DLG2: variants seen among roughly 807,000 people sequenced by gnomAD.
The protein encoded by DLG2 is disks large homolog 2.
In DLG2, 45 loss-of-function variants were observed where a neutral mutation model predicts 132.5. The observed-to-expected ratio is 0.34, with a 90% confidence interval of 0.27 to 0.44. The LOEUF is 0.44. DLG2 is among the 20% of genes least tolerant of loss of function. DLG2 has a pLI of 1.00. For missense variants in DLG2, 1,045 were observed against 1,196.9 expected, an observed-to-expected ratio of 0.87 and a Z score of 1.87; for synonymous variants, 424 against 419.6, an observed-to-expected ratio of 1.01 and a Z score of -0.13.
chr11:84,689,667 A>G (rs565207793), intron 6 of DLG2, among the ~76,000 whole-genome samples: 75 of 152,242 alleles, frequency 4.9e-4, no homozygotes, highest in African/African-American at 1.8e-3. Context: ...TTCTCCAGGT[A>G]CAATCAGTTA....
chr11:84,303,642 T>C (rs914184976), intron 7 of DLG2, among the ~76,000 whole-genome samples: 1 of 152,204 alleles, frequency 6.6e-6, no homozygotes, highest in Admixed American at 6.5e-5. Flanking sequence ...ATCACTGAAA[T>C]AGTATGACCC....
intron 6 of DLG2, among the ~76,000 whole-genome samples, chr11:85,070,254 T>A (rs2065632784): frequency 6.6e-6 from 1 of 151,778 alleles, no homozygotes. Context: ...TATACATATG[T>A]AACAAACCTG....
intron 15 of DLG2, among the ~76,000 whole-genome samples, chr11:83,928,591 T>C (rs2079464411): frequency 6.6e-6 from 1 of 151,510 alleles, no homozygotes; most frequent in Non-Finnish European, 1.5e-5. Flanking sequence ...AAAAGAGAAA[T>C]GGGGGGAAAT....
At chr11:85,475,918 T>C (rs2093126641) in intron 3 of DLG2, among the ~76,000 whole-genome samples, 1 of 152,154 alleles carries the variant, frequency 6.6e-6, no homozygotes, top group Non-Finnish European at 1.5e-5. Context: ...GGGGGAAATC[T>C]TAGCAAACTA....
chr11:83,908,696 G>A (rs903466491), intron 15 of DLG2, among the ~76,000 whole-genome samples: 1 of 151,972 alleles, frequency 6.6e-6, no homozygotes, highest in Non-Finnish European at 1.5e-5. Flanking sequence ...GCACATGACT[G>A]TTAGAGTAGG....
At chr11:84,961,569 T>G (rs201685636) in intron 6 of DLG2, among the ~76,000 whole-genome samples, 1 of 146,272 alleles carries the variant, frequency 6.8e-6, no homozygotes, top group Non-Finnish European at 1.5e-5. Context: ...TGTGTGTGTA[T>G]GTGTATGCAT....
At chr11:83,482,055 T>C (rs1209266857) in intron 22 of DLG2, among the ~76,000 whole-genome samples, 2 of 152,210 alleles carry the variant, frequency 1.3e-5, no homozygotes, top group African/African-American at 2.4e-5. Context: ...GAAATCAATA[T>C]TTAAACTTCA....
intron 6 of DLG2, among the ~76,000 whole-genome samples, chr11:84,546,240 G>C (rs973356419): frequency 2.0e-5 from 3 of 152,154 alleles, no homozygotes; most frequent in Non-Finnish European, 4.4e-5. Context: ...TCTCATGACA[G>C]AGTTCTCACG....
At chr11:83,809,397 A>G (rs747957007) in intron 17 of DLG2, among the ~76,000 whole-genome samples, 12 of 152,132 alleles carry the variant, frequency 7.9e-5, no homozygotes, top group Admixed American at 2.0e-4. Context: ...ACAAGCCTCA[A>G]GTTAGGGTTT....
At chr11:84,511,181 A>T (rs1456568039) in intron 7 of DLG2, among the ~76,000 whole-genome samples, 1 of 152,178 alleles carries the variant, frequency 6.6e-6, no homozygotes, top group Admixed American at 6.6e-5. Context: ...TGCTCAGCTT[A>T]CATCAAGTTT....
At chr11:84,804,816 G>A (rs964967169) in intron 6 of DLG2, among the ~76,000 whole-genome samples, 5 of 152,182 alleles carry the variant, frequency 3.3e-5, no homozygotes, top group Non-Finnish European at 5.9e-5. Flanking sequence ...TTGTCAGCCT[G>A]TAAGGAGGTT....
At chr11:83,815,496 G>A (rs2048619064) in intron 17 of DLG2, among the ~76,000 whole-genome samples, 1 of 152,150 alleles carries the variant, frequency 6.6e-6, no homozygotes, top group Non-Finnish European at 1.5e-5. Context: ...ACCCTGTGAT[G>A]TGCGTTCTCT....
intron 6 of DLG2, among the ~76,000 whole-genome samples, chr11:84,979,775 T>C (rs2055469649): frequency 6.6e-6 from 1 of 151,916 alleles, no homozygotes; most frequent in Non-Finnish European, 1.5e-5. Flanking sequence ...CTGCATGTTG[T>C]GCACATGTAC....
At chr11:83,851,046 G>A (rs1313162478) in intron 16 of DLG2, among the ~76,000 whole-genome samples, 9 of 151,806 alleles carry the variant, frequency 5.9e-5, no homozygotes, top group Non-Finnish European at 1.2e-4. Context: ...GCGTGGTGGC[G>A]GGCGCCTGTA....
chr11:84,990,442 C>G (rs1226920130), intron 6 of DLG2, among the ~76,000 whole-genome samples: 2 of 152,122 alleles, frequency 1.3e-5, no homozygotes, highest in Non-Finnish European at 2.9e-5. Flanking sequence ...TTCTGCCATG[C>G]AAGAATGCAG....
intron 6 of DLG2, among the ~76,000 whole-genome samples, chr11:84,600,151 A>AAAGAAGGAAAGAAG (rs1555082703): frequency 9.1e-6 from 1 of 109,922 alleles, no homozygotes; most frequent in Non-Finnish European, 1.9e-5. Context: ...AAGGAAAGAA[A>AAAGAAGGAAAGAAG]GAAAGAAGGA....
At chr11:84,104,038 T>G (rs1450207615) in intron 9 of DLG2, among the ~76,000 whole-genome samples, 2 of 152,056 alleles carry the variant, frequency 1.3e-5, no homozygotes, top group East Asian at 3.8e-4. Flanking sequence ...TTTCTAGTGT[T>G]AAAAAAACAC....
At chr11:84,508,428 CAG>C (rs2099248187) in intron 7 of DLG2, among the ~76,000 whole-genome samples, 1 of 140,334 alleles carries the variant, frequency 7.1e-6, no homozygotes, top group Non-Finnish European at 1.5e-5. Context: ...CTTTTTTAGA[CAG>C]AGTCTCGCTG....
intron 9 of DLG2, among the ~76,000 whole-genome samples, chr11:84,136,105 G>T (rs1431045043): frequency 1.3e-5 from 2 of 152,134 alleles, no homozygotes; most frequent in Non-Finnish European, 2.9e-5. Flanking sequence ...GAATGTTCTA[G>T]ATATCCACAG....
Sources: allele counts gnomAD v4.1 joint callset (sites outside exome capture counted in the v4.1 genomes callset), GRCh38; gene constraint gnomAD v4.1.1; transcripts MANE v1.5; gene names NCBI Gene and HGNC (gene_info 2026-07-23, HGNC 2026-07-21).